Variants in TBC1D31 observed in about 807,000 individuals in gnomAD.
TBC1D31 encodes WD repeat domain 67.
Under a neutral mutation model 132.9 loss-of-function variants are expected in TBC1D31, and 99 were observed. That is an observed-to-expected ratio of 0.74 (90% CI 0.63 to 0.88). TBC1D31 has a LOEUF of 0.88. Ranked by LOEUF, TBC1D31 falls within the 40% of genes least tolerant of loss-of-function variation. The pLI is 0.00. For synonymous variants in TBC1D31, 385 were observed against 419.4 expected (o/e 0.92, Z 1.00); for missense variants, 1,134 against 1,256.6 (o/e 0.90, Z 1.48).
chr8:123,119,733 AG>A (rs1819292419), intron 10 of TBC1D31, among the ~76,000 whole-genome samples: 1 of 152,226 alleles, frequency 6.6e-6, no homozygotes, highest in South Asian at 2.1e-4. Context: ...AAGAAAAAAA[AG>A]AAATGAAGGT....
At chr8:123,141,458 G>A (rs1271631261) in intron 18 of TBC1D31, among the ~76,000 whole-genome samples, 1 of 97,338 alleles carries the variant, frequency 1.0e-5, no homozygotes, top group East Asian at 3.0e-4. Context: ...GAATTTCCAA[G>A]ATGTATTTCA....
At chr8:123,160,867 C>T in the TBC1D31 span, among the ~76,000 whole-genome samples, 3 of 152,182 alleles carry the variant, frequency 2.0e-5, no homozygotes, top group African/African-American at 4.8e-5. Flanking sequence ...ACCTTCTGAG[C>T]CTTCGAGTGG....
Position 123,125,621 on chromosome 8 carries a change from T to C in TBC1D31, c.1571-435T>C, listed in dbSNP as rs1266332457. On this transcript the variant is annotated intron_variant, in intron 11 of 21. Coordinates refer to ENST00000287380, the MANE Select transcript of TBC1D31 (RefSeq NM_145647.4). Reference sequence around the variant, plus strand: ...ATATTGCTGATGTAATTTTGAACATTTTCCTTAAGTTTTCTAATTTTGATT... The same window carrying C: ...ATATTGCTGATGTAATTTTGAACATCTTCCTTAAGTTTTCTAATTTTGATT... 2.6e-5 allele frequency among the ~76,000 whole-genome samples: 4 copies of C among 152,192 alleles called. No individual in the cohort carries two copies. The East Asian group carries it at 7.7e-4, about 29-fold the overall frequency.
chr8:123,119,977 C>G, intron 10 of TBC1D31, 78 bp from the exon 11 acceptor site: 5 of 1,279,724 alleles, frequency 3.9e-6, no homozygotes, highest in Middle Eastern at 2.8e-4. Flanking sequence ...ACCAAATATA[C>G]TTTTTGTATC....
intron 1 of TBC1D31, among the ~76,000 whole-genome samples, chr8:123,075,764 T>C (rs535837224): frequency 2.9e-4 from 44 of 152,246 alleles, no homozygotes; most frequent in Non-Finnish European, 4.7e-4. Flanking sequence ...AAAATTTTCA[T>C]GATTAAAAAC....
chr8:123,079,337 GTTTTC>G (rs1420646251), intron 2 of TBC1D31, among the ~76,000 whole-genome samples: 1 of 152,140 alleles, frequency 6.6e-6, no homozygotes, highest in Non-Finnish European at 1.5e-5. Context: ...ATGTAGGAGA[GTTTTC>G]TTATTATGGG....
At chr8:123,089,854 C>T (rs1816160257) in intron 4 of TBC1D31, among the ~76,000 whole-genome samples, 1 of 152,242 alleles carries the variant, frequency 6.6e-6, no homozygotes, top group Non-Finnish European at 1.5e-5. Flanking sequence ...ACTGAATTGA[C>T]ATGAGGCTGA....
chr8:123,157,313 G>A, the TBC1D31 span, among the ~76,000 whole-genome samples: 306 of 152,230 alleles, frequency 2.0e-3, no homozygotes, highest in African/African-American at 6.9e-3. Context: ...ACCTAGTAAG[G>A]GTTTCCGGAC....
rs16898012 is a variant in TBC1D31 at position 123,126,615 on chromosome 8, G to T, written c.1812G>T (p.Leu604=). Residue 604 remains leucine, a synonymous_variant, in exon 13 of 22, where the codon CTG becomes CTT. Coordinates refer to ENST00000287380, the MANE Select transcript of TBC1D31 (RefSeq NM_145647.4). ...TTTCCAACCATCCTTCCTTCCTTCT[G>T]ATGACTGTTGTAGCCTACAACATAT... ...NIFSNHPSFL[L]MTVVAYNICS... The T allele has an allele frequency of 6.2e-7, 1 of 1,613,712 alleles. No homozygotes were observed. Among genetic ancestry groups the T allele is most frequent in the Non-Finnish European group, 8.5e-7 (1 of 1,179,854 alleles).
intron 6 of TBC1D31, among the ~76,000 whole-genome samples, chr8:123,099,858 C>T (rs1213645236): frequency 6.6e-6 from 1 of 152,042 alleles, no homozygotes; most frequent in Admixed American, 6.5e-5. Flanking sequence ...TTTTGAAGGC[C>T]TTTGTTCTCT....
chr8:123,147,117 A>T (rs1280810063), intron 20 of TBC1D31, among the ~76,000 whole-genome samples: 2 of 151,936 alleles, frequency 1.3e-5, no homozygotes, highest in African/African-American at 4.8e-5. Context: ...AAAAGATACT[A>T]ATCATGGGAG....
chr8:123,157,330 T>C, the TBC1D31 span, among the ~76,000 whole-genome samples: 4 of 152,246 alleles, frequency 2.6e-5, no homozygotes, highest in African/African-American at 9.6e-5. Context: ...GGACGGATCA[T>C]TCTGAGGCTA....
the TBC1D31 span, among the ~76,000 whole-genome samples, chr8:123,159,496 C>T: frequency 1.3e-5 from 2 of 152,138 alleles, no homozygotes; most frequent in African/African-American, 4.8e-5. Context: ...TATTTGCACA[C>T]AGAAAGCTAA....
chr8:123,155,454 G>A (rs1486520401), downstream of TBC1D31, among the ~76,000 whole-genome samples: 1 of 152,076 alleles, frequency 6.6e-6, no homozygotes, highest in Non-Finnish European at 1.5e-5. The surrounding 1 kb of genome is among the most constrained non-coding windows in gnomAD (Gnocchi z 4.1). Flanking sequence ...CAGGGCGGTA[G>A]TAGTAGTAAA....
chr8:123,091,143 T>C (rs969722435), intron 4 of TBC1D31, among the ~76,000 whole-genome samples: 3 of 152,118 alleles, frequency 2.0e-5, no homozygotes, highest in African/African-American at 7.2e-5. Flanking sequence ...AAGGTTTTTA[T>C]GTTTCTCAAG....
At chr8:123,080,258 AC>A (rs1024655967) in intron 2 of TBC1D31, among the ~76,000 whole-genome samples, 1 of 152,198 alleles carries the variant, frequency 6.6e-6, no homozygotes, top group Non-Finnish European at 1.5e-5. Flanking sequence ...AAAGAACAAT[AC>A]ATTTTTAGAG....
intron 11 of TBC1D31, 21 bp downstream of exon 11, chr8:123,120,209 G>C (rs750385079): frequency 2.5e-6 from 4 of 1,573,724 alleles, no homozygotes. Flanking sequence ...ACTTGTTAAA[G>C]TATAAGATCA....
chr8:123,126,242 T>G (rs1820020139), intron 12 of TBC1D31, 53 bp downstream of exon 12: 2 of 1,570,654 alleles, frequency 1.3e-6, no homozygotes. Flanking sequence ...AAGCTAACAT[T>G]GGTTCTGGTA....
chr8:123,099,815 G>C (rs973516837), intron 6 of TBC1D31, among the ~76,000 whole-genome samples: 48 of 152,156 alleles, frequency 3.2e-4, no homozygotes, highest in African/African-American at 1.2e-3. Flanking sequence ...CAGTTCTGGA[G>C]GCTGGGAAGT....
Sources: allele counts gnomAD v4.1 joint callset (sites outside exome capture counted in the v4.1 genomes callset), GRCh38; gene constraint gnomAD v4.1.1; non-coding constraint Gnocchi (gnomAD v3.1); transcripts MANE v1.5; gene names NCBI Gene and HGNC (gene_info 2026-07-23, HGNC 2026-07-21).